The following PTPRT variants were observed in gnomAD, a reference collection of about 807,000 sequenced individuals.
The protein encoded by PTPRT is receptor-type tyrosine-protein phosphatase T.
A neutral mutation model predicts 176.8 loss-of-function variants in PTPRT; 56 were observed. That is an observed-to-expected ratio of 0.32 (90% CI 0.26 to 0.40). The LOEUF is 0.40. PTPRT is among the 10% of genes least tolerant of loss of function. The probability of loss-of-function intolerance (pLI) is 1.00; values close to 1 mark genes in which losing one functional copy is unlikely to be tolerated. For synonymous variants in PTPRT, 783 were observed against 739.0 expected (o/e 1.06, Z -0.96); for missense variants, 1,540 against 1,908.2 (o/e 0.81, Z 3.60).
At position 43,111,606 on chromosome 20, in the gene PTPRT, G is replaced by A. The variant is rs113821511; in HGVS notation, c.88+78040C>T. 3.6e-3 allele frequency among the ~76,000 whole-genome samples: 523 copies of A among 147,246 alleles called. 3 individuals are homozygous for A. Among genetic ancestry groups the A allele is most frequent in the African/African-American group, 0.012 (489 of 39,732 alleles). On this transcript the variant is annotated intron_variant, in intron 1 of 30. Transcript: ENST00000373187. ...TAATGGGACTTGTATATCCACTTTA[G>A]ATCTTCTCTAAGGCTCTGGGTTCTA...
intron 8 of PTPRT, among the ~76,000 whole-genome samples, chr20:42,461,767 A>G (rs1601069068): frequency 6.6e-6 from 1 of 152,122 alleles, no homozygotes; most frequent in Non-Finnish European, 1.5e-5. Context: ...AATGGCAGGG[A>G]TCTGAGTTAC....
At chr20:42,539,591 A>C (rs1862848448) in intron 7 of PTPRT, among the ~76,000 whole-genome samples, 1 of 151,972 alleles carries the variant, frequency 6.6e-6, no homozygotes, top group Non-Finnish European at 1.5e-5. Context: ...GATAGAGATC[A>C]AAACAAACAA....
intron 1 of PTPRT, among the ~76,000 whole-genome samples, chr20:43,083,818 C>T (rs777356958): frequency 1.3e-5 from 2 of 152,164 alleles, no homozygotes; most frequent in South Asian, 4.1e-4. Context: ...ACCCCTACCC[C>T]AGGCAATCAG....
chr20:42,385,054 T>C (rs2058732151), intron 9 of PTPRT, among the ~76,000 whole-genome samples: 1 of 152,240 alleles, frequency 6.6e-6, no homozygotes, highest in African/African-American at 2.4e-5. Context: ...ATTATGCTGC[T>C]TGTTGCCTTT....
intron 7 of PTPRT, among the ~76,000 whole-genome samples, chr20:42,660,850 GTTTGTT>G (rs2075210716): frequency 6.6e-6 from 1 of 151,990 alleles, no homozygotes; most frequent in Non-Finnish European, 1.5e-5. Flanking sequence ...TTGTTTGTTT[GTTTGTT>G]TTTATTTTTT....
chr20:42,072,372 G>C (rs1307998294), downstream of PTPRT, among the ~76,000 whole-genome samples: 2 of 152,172 alleles, frequency 1.3e-5, no homozygotes, highest in African/African-American at 2.4e-5. Flanking sequence ...GTTTTGGGTT[G>C]TTTATTATGC....
chr20:42,680,395 G>A (rs1305094970), intron 6 of PTPRT, among the ~76,000 whole-genome samples: 2 of 152,220 alleles, frequency 1.3e-5, no homozygotes, highest in African/African-American at 4.8e-5. Flanking sequence ...TCTCAAAGGT[G>A]TTTGCAAATT....
At position 42,199,338 on chromosome 20, in the gene PTPRT, A is replaced by T; in HGVS notation, c.2393T>A (p.Met798Lys). The part of the protein sequence containing the change: ...KETQSGAQRE[M>K]GPVASADKPT... ...TTTGTCGGCAGAGGCCACAGGCCCC[A>T]TCTCCCTCTGGGCTCCACTCTGGGT... The change falls in exon 16 of 31, where the codon ATG becomes AAG. Residue 798 changes from methionine to lysine, a missense_variant. Coordinates refer to ENST00000373187, the MANE Select transcript of PTPRT (RefSeq NM_007050.6). The T allele has an allele frequency of 3.7e-6, 6 of 1,614,134 alleles. No homozygotes were observed. The highest frequency in any genetic ancestry group is 3.4e-6 in the Non-Finnish European group (4 of 1,179,994).
At chr20:42,345,366 TAC>T (rs35901100) in intron 11 of PTPRT, among the ~76,000 whole-genome samples, 8,453 of 134,046 alleles carry the variant, frequency 0.063, 439 homozygotes, top group East Asian at 0.15. Context: ...AAGGCATATA[TAC>T]ACACACACAC....
intron 1 of PTPRT, among the ~76,000 whole-genome samples, chr20:43,045,866 G>C (rs1409753556): frequency 6.6e-6 from 1 of 152,102 alleles, no homozygotes; most frequent in Non-Finnish European, 1.5e-5. Context: ...AAGGTGAAAA[G>C]GGATGAAAGG....
intron 7 of PTPRT, among the ~76,000 whole-genome samples, chr20:42,482,518 G>T (rs1274753620): frequency 6.6e-6 from 1 of 152,210 alleles, no homozygotes; most frequent in African/African-American, 2.4e-5. Flanking sequence ...CTGGATGTAG[G>T]AGTGAACCAA....
At chr20:42,999,598 A>G (rs1419572718) in intron 1 of PTPRT, among the ~76,000 whole-genome samples, 1 of 145,188 alleles carries the variant, frequency 6.9e-6, no homozygotes, top group Non-Finnish European at 1.5e-5. Flanking sequence ...TCTAAAAAAA[A>G]AACTTGTGGT....
At chr20:42,320,276 A>G (rs1279297939) in intron 11 of PTPRT, among the ~76,000 whole-genome samples, 2 of 152,172 alleles carry the variant, frequency 1.3e-5, no homozygotes, top group African/African-American at 2.4e-5. Context: ...CTGCTTGACC[A>G]TCTTCCTCCC....
rs1568926580 is a variant in PTPRT at position 42,098,413 on chromosome 20, C to T, written c.3846+8G>A. 1 of 1,613,970 alleles carries T rather than the reference C, an allele frequency of 6.2e-7. No homozygotes were observed. The highest frequency in any genetic ancestry group is 1.7e-5 in the Admixed American group (1 of 60,010). On this transcript the variant is annotated splice_region_variant and intron_variant, in intron 27 of 30. Coordinates refer to ENST00000373187, the MANE Select transcript of PTPRT (RefSeq NM_007050.6). ...ACCCACCTAGGGCTTGGCTTGGCCT[C>T]CTCCTACCTGGGCAGTGTCCATCTC...
chr20:42,749,280 C>A (rs1314182696), intron 6 of PTPRT, among the ~76,000 whole-genome samples: 1 of 152,148 alleles, frequency 6.6e-6, no homozygotes, highest in Non-Finnish European at 1.5e-5. Flanking sequence ...TTATCCAGCC[C>A]CAAACATGTC....
chr20:43,073,199 CTAGAGA>C (rs1568768379), intron 1 of PTPRT, among the ~76,000 whole-genome samples: 1 of 152,134 alleles, frequency 6.6e-6, no homozygotes, highest in Non-Finnish European at 1.5e-5. Context: ...AATCAGCTAC[CTAGAGA>C]TAGACTCTCT....
chr20:43,042,492 G>A (rs1352448384), intron 1 of PTPRT, among the ~76,000 whole-genome samples: 1 of 152,030 alleles, frequency 6.6e-6, no homozygotes, highest in East Asian at 1.9e-4. Context: ...GAAAGAGAAA[G>A]GGGCAAAACG....
intron 7 of PTPRT, among the ~76,000 whole-genome samples, chr20:42,596,414 A>C (rs1342915286): frequency 1.3e-5 from 2 of 152,200 alleles, no homozygotes; most frequent in Non-Finnish European, 2.9e-5. Flanking sequence ...TTGCTTTCTC[A>C]TGCCTTTCCT....
intron 19 of PTPRT, among the ~76,000 whole-genome samples, chr20:42,120,993 C>T (rs1987557588): frequency 6.6e-6 from 1 of 152,148 alleles, no homozygotes; most frequent in Non-Finnish European, 1.5e-5. Context: ...GAACATCTGT[C>T]TTTGTCTTAG....
Sources: gnomAD v4.1 joint callset for allele counts (sites outside exome capture counted in the v4.1 genomes callset) on GRCh38, gnomAD v4.1.1 for gene constraint, MANE v1.5 for transcripts, NCBI Gene and HGNC (gene_info 2026-07-23, HGNC 2026-07-21) for gene names.